Variants in AXIN1 observed in about 807,000 individuals in gnomAD.
The protein encoded by AXIN1 is axin 1.
Under a neutral mutation model 76.4 loss-of-function variants are expected in AXIN1, and 30 were observed. The observed-to-expected ratio is 0.39, with a 90% CI of 0.29 to 0.53. The LOEUF (loss-of-function observed/expected upper bound fraction) is 0.53. Ranked by LOEUF, AXIN1 falls within the 20% of genes least tolerant of loss-of-function variation. The pLI, the probability that AXIN1 is intolerant of heterozygous loss-of-function variation, is 0.66. For synonymous variants in AXIN1, 545 were observed against 501.4 expected, an observed-to-expected ratio of 1.09 and a Z score of -1.16; for missense variants, 1,140 against 1,198.8, an observed-to-expected ratio of 0.95 and a Z score of 0.72.
At chr16:350,921 C>T (rs1010228049) in intron 1 of AXIN1, among the ~76,000 whole-genome samples, 3 of 152,036 alleles carry the variant, frequency 2.0e-5, no homozygotes, top group East Asian at 1.9e-4. Flanking sequence ...CACCTGAGGT[C>T]GGGAGTTCAA....
chr16:335,054 G>A (rs1338774943), intron 2 of AXIN1, among the ~76,000 whole-genome samples: 7 of 152,162 alleles, frequency 4.6e-5, no homozygotes, highest in Middle Eastern at 3.4e-3. Context: ...TCCCATTGGC[G>A]TATAGAATGC....
At chr16:345,637 C>T (rs532976461) in intron 2 of AXIN1, among the ~76,000 whole-genome samples, 1 of 152,086 alleles carries the variant, frequency 6.6e-6, no homozygotes, top group Non-Finnish European at 1.5e-5. Flanking sequence ...TCGCTCAAAC[C>T]CGGGAGGCGA....
intron 2 of AXIN1, among the ~76,000 whole-genome samples, chr16:334,874 T>G (rs1277565419): frequency 6.6e-6 from 1 of 152,118 alleles, no homozygotes; most frequent in Non-Finnish European, 1.5e-5. Context: ...CAGCACCCAG[T>G]ACCATGGCAC....
intron 2 of AXIN1, among the ~76,000 whole-genome samples, chr16:342,316 G>A (rs376989961): frequency 1.3e-5 from 2 of 152,196 alleles, no homozygotes; most frequent in African/African-American, 4.8e-5. Context: ...TTTAGGAACT[G>A]TAACACTCAC....
At chr16:303,375 C>T (rs1380288354) in intron 5 of AXIN1, among the ~76,000 whole-genome samples, 2 of 150,452 alleles carry the variant, frequency 1.3e-5, no homozygotes, top group South Asian at 2.1e-4. Flanking sequence ...TCTGGCTTTG[C>T]GGGAAGTGAT....
chr16:337,531 C>T (rs2053831721), intron 2 of AXIN1, among the ~76,000 whole-genome samples: 2 of 151,526 alleles, frequency 1.3e-5, no homozygotes, highest in African/African-American at 4.9e-5. Flanking sequence ...CTGGAGCAAC[C>T]TCAAAGGAGG....
chr16:327,272 G>A (rs988993695), intron 2 of AXIN1, among the ~76,000 whole-genome samples: 6 of 152,096 alleles, frequency 3.9e-5, no homozygotes, highest in African/African-American at 9.7e-5. Context: ...GGGCTGACCA[G>A]ACAGCATTGA....
chr16:293,791 T>A lies in AXIN1; in HGVS notation c.1956-73A>T. On this transcript the variant is annotated intron_variant, in intron 7 of 10. Coordinates refer to ENST00000262320, the MANE Select transcript of AXIN1 (RefSeq NM_003502.4). The surrounding 1 kb of genome is among the most constrained non-coding windows in gnomAD (Gnocchi z 4.6). The stretch of plus-strand genomic sequence containing the variant: ...AGGTGGCCTGGTGGGGCTACACTCA[T>A]CTCACAAGGGCAGCCTCCTTGAGGG... 1 of 1,458,576 alleles carries A rather than the reference T, an allele frequency of 6.9e-7. No individual in the cohort carries two copies. The highest frequency in any genetic ancestry group is 9.5e-7 in the Non-Finnish European group (1 of 1,047,698). The allele number at this position is 1,458,576 out of a possible 1,614,324, so 90.4% of individuals were successfully genotyped here.
At chr16:312,206 G>A (rs922399273) in intron 3 of AXIN1, among the ~76,000 whole-genome samples, 1 of 152,152 alleles carries the variant, frequency 6.6e-6, no homozygotes, top group African/African-American at 2.4e-5. Flanking sequence ...GTGGAATGTT[G>A]TGAGCTTGCC....
At position 303,830 on chromosome 16, in the gene AXIN1, G is replaced by A. The variant is rs547687353; in HGVS notation, c.1254+474C>T. 3.9e-5 allele frequency among the ~76,000 whole-genome samples: 6 copies of A among 152,196 alleles called. No homozygotes were observed. The South Asian group carries it at 6.2e-4, about 16-fold the overall frequency. On this transcript the variant is annotated intron_variant, in intron 5 of 10. Coordinates refer to ENST00000262320, the MANE Select transcript of AXIN1 (RefSeq NM_003502.4). ...CTACAACACAAGTGCCTAGAGGGCC[G>A]TGCACCATGGCCTCAAGGAACCAAA...
At chr16:310,955 T>A (rs914030814) in intron 3 of AXIN1, among the ~76,000 whole-genome samples, 4 of 152,242 alleles carry the variant, frequency 2.6e-5, no homozygotes, top group African/African-American at 7.2e-5. Context: ...GGCTGCACAC[T>A]CTGCTTCTCT....
rs1417153153 is a variant in AXIN1 at position 293,415 on chromosome 16, C to T, written c.2186+73G>A. ...TTTTTCCCCTGAAGACCTCAGGCCTCGGGGAGCTTCAGCCCCAGGAGTGGT... is the reference window on the plus strand; with the variant it reads ...TTTTTCCCCTGAAGACCTCAGGCCTTGGGGAGCTTCAGCCCCAGGAGTGGT... On this transcript the variant is annotated intron_variant, in intron 8 of 10. Transcript: ENST00000262320. This position sits in a 1 kb window ranked among gnomAD's most constrained non-coding sequence, Gnocchi z 4.6. The T allele has an allele frequency of 4.1e-6, 6 of 1,479,404 alleles. No homozygotes were observed. The highest frequency in any genetic ancestry group is 1.8e-5 in the Admixed American group (1 of 56,360). 91.6% of individuals were successfully genotyped at this position (1,479,404 alleles called of 1,614,324 possible).
intron 8 of AXIN1, chr16:292,437 T>C (rs12921107): frequency 0.13 from 19,102 of 152,292 alleles, 1,518 homozygotes; most frequent in South Asian, 0.22. Flanking sequence ...CCACACAGGC[T>C]TTCAGCTGGG....
At chr16:342,403 A>C (rs2141688122) in intron 2 of AXIN1, among the ~76,000 whole-genome samples, 1 of 152,184 alleles carries the variant, frequency 6.6e-6, no homozygotes. Flanking sequence ...GGGACGACTA[A>C]CCGGCTCTCC....
intron 2 of AXIN1, among the ~76,000 whole-genome samples, chr16:344,195 G>A (rs949857485): frequency 1.3e-5 from 2 of 151,868 alleles, no homozygotes; most frequent in Non-Finnish European, 2.9e-5. Flanking sequence ...CACTTTGGGA[G>A]ACTGAGGCAG....
chr16:336,816 C>CAAAAA (rs57147459), intron 2 of AXIN1, among the ~76,000 whole-genome samples: 16 of 76,994 alleles, frequency 2.1e-4, no homozygotes, highest in Non-Finnish European at 3.0e-4. Flanking sequence ...GACTCCGCCT[C>CAAAAA]AAAAAAAAAA....
At chr16:342,274 C>G (rs115930582) in intron 2 of AXIN1, among the ~76,000 whole-genome samples, 3,440 of 152,242 alleles carry the variant, frequency 0.023, 130 homozygotes, top group African/African-American at 0.079. Context: ...CACCTCCGAA[C>G]GTCAGAAGGA....
rs1555482153 is a variant in AXIN1, at chr16:320,744, T to TATA, written c.879-6062_879-6061insTAT. On this transcript the variant is annotated intron_variant, in intron 2 of 10. Transcript: ENST00000262320. Reference sequence around the variant, plus strand: ...GTGTGTATATATATATATATATATATTTTTTTTTTTTTTGAGACGGAGCCT... The same window carrying TATA: ...GTGTGTATATATATATATATATATATATATTTTTTTTTTTTTGAGACGGAGCCT... Among the ~76,000 whole-genome samples the TATA allele has an allele frequency of 2.2e-3, 114 of 50,824 alleles. 1 individual carries two copies. The highest frequency in any genetic ancestry group is 0.013 in the South Asian group (15 of 1,190). The allele number at this position is 50,824 out of a possible 152,430, so 33.3% of individuals were successfully genotyped here. A position where few individuals can be genotyped will look rare whatever the true frequency, so the allele number is the denominator to read the frequency against.
intron 2 of AXIN1, among the ~76,000 whole-genome samples, chr16:324,400 G>C (rs2053533257): frequency 6.6e-6 from 1 of 152,212 alleles, no homozygotes; most frequent in South Asian, 2.1e-4. Flanking sequence ...AAGCGATATG[G>C]AAAGGCGGGT....
Sources: allele counts gnomAD v4.1 joint callset (sites outside exome capture counted in the v4.1 genomes callset), GRCh38; gene constraint gnomAD v4.1.1; non-coding constraint Gnocchi (gnomAD v3.1); transcripts MANE v1.5; gene names NCBI Gene and HGNC (gene_info 2026-07-23, HGNC 2026-07-21).